The following DCUN1D4 variants were observed in gnomAD, a reference collection of about 807,000 sequenced individuals.
DCUN1D4 encodes the protein DCN1-like protein 4.
DCUN1D4 carries 22 observed loss-of-function variants against 47.9 expected under a neutral mutation model. The ratio of observed to expected loss-of-function variants is 0.46; its 90% CI spans 0.33 to 0.66. The LOEUF (loss-of-function observed/expected upper bound fraction) is 0.66, where lower values mean the gene tolerates loss of function less well. Among genes scored for constraint, DCUN1D4 ranks in the 30% least tolerant of loss-of-function variants. DCUN1D4 has a pLI of 0.02. For missense variants in DCUN1D4, 301 were observed against 340.8 expected, an observed-to-expected ratio of 0.88 and a Z score of 0.92; for synonymous variants, 121 against 112.2, an observed-to-expected ratio of 1.08 and a Z score of -0.50.
intron 1 of DCUN1D4, among the ~76,000 whole-genome samples, chr4:51,846,552 T>G (rs1199382451): frequency 6.6e-6 from 1 of 152,236 alleles, no homozygotes; most frequent in African/African-American, 2.4e-5. Flanking sequence ...ACGTTTACAT[T>G]ATTATCTCAA....
At chr4:51,893,003 T>A (rs1730682177) in intron 7 of DCUN1D4, among the ~76,000 whole-genome samples, 1 of 152,252 alleles carries the variant, frequency 6.6e-6, no homozygotes, top group South Asian at 2.1e-4. Flanking sequence ...GCTTTAGTAG[T>A]TTATGAAGAC....
At chr4:51,846,408 C>T (rs1212867775) in intron 1 of DCUN1D4, among the ~76,000 whole-genome samples, 4 of 152,194 alleles carry the variant, frequency 2.6e-5, no homozygotes, top group Non-Finnish European at 2.9e-5. Context: ...CTCTCTTCTT[C>T]CTCTGTTGTT....
chr4:51,838,488 C>T (rs1721552222), upstream of DCUN1D4, among the ~76,000 whole-genome samples: 1 of 152,036 alleles, frequency 6.6e-6, no homozygotes, highest in African/African-American at 2.4e-5. Flanking sequence ...CTCAAGGGAT[C>T]CTCCCACCTC....
upstream of DCUN1D4, chr4:51,842,949 C>T: frequency 1.1e-6 from 1 of 886,418 alleles, no homozygotes; most frequent in East Asian, 3.5e-5. Flanking sequence ...GGAGCATGGC[C>T]TCCGCCAGGG....
intron 3 of DCUN1D4, among the ~76,000 whole-genome samples, chr4:51,870,241 C>A (rs1410151295): frequency 6.6e-6 from 1 of 151,904 alleles, no homozygotes; most frequent in Non-Finnish European, 1.5e-5. Flanking sequence ...TAATACAACT[C>A]ATACAAGTTG....
chr4:51,912,819 GCC>G (rs1163213988), intron 9 of DCUN1D4, among the ~76,000 whole-genome samples: 1 of 152,224 alleles, frequency 6.6e-6, no homozygotes, highest in Admixed American at 6.5e-5. Flanking sequence ...TGTGCTTTAA[GCC>G]GAAGGCTTGG....
intron 8 of DCUN1D4, chr4:51,908,833 G>A (rs951226241): frequency 1.5e-5 from 7 of 452,866 alleles, no homozygotes; most frequent in African/African-American, 4.0e-5. Flanking sequence ...ATAGCCACAA[G>A]TCCACTCACA....
Position 51,913,672 on chromosome 4 carries a change from C to A in DCUN1D4, c.*88C>A. 8.3e-7 allele frequency: 1 copy of A among 1,207,526 alleles called. No individual in the cohort carries two copies. Among genetic ancestry groups the A allele is most frequent in the Non-Finnish European group, 1.2e-6 (1 of 821,106 alleles). The allele number at this position is 1,207,526 out of a possible 1,614,324, so 74.8% of individuals were successfully genotyped here. ...ATTGCTGTTTGTATCAAAGCGCATG[C>A]TGCTTCTCTTGCACTGTTTCCCTTT... On this transcript the variant is annotated 3_prime_UTR_variant, in exon 11 of 11. Coordinates refer to ENST00000334635, the MANE Select transcript of DCUN1D4 (RefSeq NM_001040402.3).
At chr4:51,864,134 A>G (rs1403702792) in intron 3 of DCUN1D4, among the ~76,000 whole-genome samples, 1 of 152,220 alleles carries the variant, frequency 6.6e-6, no homozygotes, top group East Asian at 1.9e-4. Flanking sequence ...CTTGATTAGT[A>G]TAAGTTATCC....
rs946047008 is a variant in DCUN1D4 at position 51,915,696 on chromosome 4, A to T, written c.*2112A>T. On this transcript the variant is annotated 3_prime_UTR_variant, in exon 11 of 11. Transcript: ENST00000334635. ...GTTATTTTAAACACTATGTTAGAAT[A>T]TAGAGATTTTTAAAAAATGCTGATA... is the stretch of plus-strand genomic sequence containing the variant. The T allele has an allele frequency of 6.5e-5, 10 of 152,722 alleles. No homozygotes were observed. The highest frequency in any genetic ancestry group is 2.1e-4 in the South Asian group (1 of 4,826). 9.5% of individuals were successfully genotyped at this position (152,722 alleles called of 1,614,324 possible).
chr4:51,843,098 T>C, upstream of DCUN1D4: 2 of 1,435,706 alleles, frequency 1.4e-6, no homozygotes, highest in South Asian at 1.4e-5. Context: ...AGCCGCGGTT[T>C]AGCCAATGGA....
chr4:51,834,260 A>G, the DCUN1D4 span, among the ~76,000 whole-genome samples: 1 of 151,344 alleles, frequency 6.6e-6, no homozygotes, highest in Non-Finnish European at 1.5e-5. Context: ...GATAAGGGCA[A>G]GTTAATCAAA....
intron 8 of DCUN1D4, among the ~76,000 whole-genome samples, chr4:51,900,466 G>T (rs1427822155): frequency 6.6e-6 from 1 of 152,110 alleles, no homozygotes; most frequent in South Asian, 2.1e-4. Context: ...AGATGCAGTG[G>T]CTCATACCTG....
At chr4:51,856,178 T>C (rs1724105676) in intron 1 of DCUN1D4, among the ~76,000 whole-genome samples, 1 of 152,242 alleles carries the variant, frequency 6.6e-6, no homozygotes, top group South Asian at 2.1e-4. Context: ...ACATGGTCAC[T>C]ATTTTGCCCT....
chr4:51,841,671 G>C (rs1721662217), upstream of DCUN1D4, among the ~76,000 whole-genome samples: 1 of 152,076 alleles, frequency 6.6e-6, no homozygotes, highest in Non-Finnish European at 1.5e-5. Context: ...AGAAATTAGC[G>C]ATTAAGATGG....
chr4:51,870,954 C>T (rs573310119), intron 3 of DCUN1D4, among the ~76,000 whole-genome samples: 2 of 152,114 alleles, frequency 1.3e-5, no homozygotes, highest in Non-Finnish European at 2.9e-5. Flanking sequence ...AAGTCAATTC[C>T]CTTCCCTTGC....
At chr4:51,874,228 T>C in intron 3 of DCUN1D4, 43 bp from the exon 4 acceptor site, 1 of 1,349,928 alleles carries the variant, frequency 7.4e-7, no homozygotes, top group Non-Finnish European at 1.0e-6. Context: ...AGAGTTAGGA[T>C]GTAGCATACC....
At chr4:51,864,963 A>G (rs1725672312) in intron 3 of DCUN1D4, 1 of 154,684 alleles carries the variant, frequency 6.5e-6, no homozygotes, top group Non-Finnish European at 1.4e-5. Flanking sequence ...ACATGGTTTA[A>G]CATTGGTTCT....
upstream of DCUN1D4, among the ~76,000 whole-genome samples, chr4:51,838,668 C>T (rs1443162644): frequency 6.6e-6 from 1 of 152,184 alleles, no homozygotes; most frequent in Non-Finnish European, 1.5e-5. Flanking sequence ...CAGGCATGAG[C>T]CACCATGCCC....
Sources: gnomAD v4.1 joint callset for allele counts (sites outside exome capture counted in the v4.1 genomes callset) on GRCh38, gnomAD v4.1.1 for gene constraint, MANE v1.5 for transcripts, NCBI Gene and HGNC (gene_info 2026-07-23, HGNC 2026-07-21) for gene names.